VPS53: variants seen among roughly 807,000 people sequenced by gnomAD.
VPS53 encodes the protein vacuolar protein sorting-associated protein 53 homolog.
VPS53 carries 70 observed loss-of-function variants against 107.0 expected under a neutral mutation model. That is an observed-to-expected ratio of 0.65 (90% CI 0.54 to 0.80). The LOEUF (loss-of-function observed/expected upper bound fraction) is 0.80, where lower values mean the gene tolerates loss of function less well. Ranked by LOEUF, VPS53 falls within the 30% of genes least tolerant of loss-of-function variation. VPS53 has a pLI of 0.00. For synonymous variants in VPS53, 409 were observed against 393.3 expected, an observed-to-expected ratio of 1.04 and a Z score of -0.47; for missense variants, 917 against 1,049.4, an observed-to-expected ratio of 0.87 and a Z score of 1.74.
intron 13 of VPS53, among the ~76,000 whole-genome samples, chr17:584,127 T>C (rs999222184): frequency 1.3e-5 from 2 of 152,246 alleles, no homozygotes; most frequent in African/African-American, 2.4e-5. Context: ...CCTCAGGACT[T>C]TCCTGCAGCC....
intron 19 of VPS53, among the ~76,000 whole-genome samples, chr17:529,933 A>T (rs1909404788): frequency 6.6e-6 from 1 of 151,444 alleles, no homozygotes; most frequent in South Asian, 2.1e-4. Flanking sequence ...GATACTTGAG[A>T]AGTTGAGGCA....
chr17:631,760 G>A (rs962461927), intron 7 of VPS53, 132 bp from the exon 8 acceptor site: 6 of 694,528 alleles, frequency 8.6e-6, no homozygotes, highest in Non-Finnish European at 1.5e-5. Flanking sequence ...CATGAGGTGA[G>A]AGGTCACATA....
rs1454777393 is a variant in VPS53 at position 520,230 on chromosome 17, G to A, written c.2224-300C>T. 6.6e-6 allele frequency among the ~76,000 whole-genome samples: 1 copy of A among 152,156 alleles called. No homozygotes were observed. Among genetic ancestry groups the A allele is most frequent in the Non-Finnish European group, 1.5e-5 (1 of 68,024 alleles). On this transcript the variant is annotated intron_variant, in intron 20 of 21. Coordinates refer to ENST00000437048, the MANE Select transcript of VPS53 (RefSeq NM_001128159.3). This position sits in a 1 kb window ranked among gnomAD's most constrained non-coding sequence, Gnocchi z 4.4. The stretch of plus-strand genomic sequence containing the variant: ...ACCTGCGCTGCTGTTTGAAGTATGG[G>A]TTTCCGGGGCCCTCCTCTAAAGACT...
intron 13 of VPS53, among the ~76,000 whole-genome samples, chr17:564,580 G>A (rs918538594): frequency 3.3e-5 from 5 of 149,926 alleles, no homozygotes; most frequent in African/African-American, 4.9e-5. Flanking sequence ...GGGTGGTGGC[G>A]CATGCCTGTA....
At chr17:633,653 T>A (rs533001265) in intron 7 of VPS53, among the ~76,000 whole-genome samples, 1 of 152,084 alleles carries the variant, frequency 6.6e-6, no homozygotes, top group African/African-American at 2.4e-5. Context: ...CTCTTAGAGG[T>A]GGGTTTGTAG....
intron 7 of VPS53, among the ~76,000 whole-genome samples, chr17:648,172 G>T (rs1416869087): frequency 6.6e-6 from 1 of 152,194 alleles, no homozygotes; most frequent in African/African-American, 2.4e-5. Context: ...GATACACTTA[G>T]CCAAGTAGCA....
rs1387468429 is a variant in VPS53 at position 631,550 on chromosome 17, C to T, written c.687G>A (p.Lys229=). The change falls in exon 8 of 22, where the codon AAG becomes AAA. Residue 229 remains lysine (K), a splice_region_variant and synonymous_variant. Transcript: ENST00000437048. ...AGACTGGGGAAACGCAAAGCAGTAC[C>T]TTGGTGCCCTGGGAAGGAAACGCTT... ...FEEAFPSQGT[K]RPGGPSNVLR... 2 of 1,613,906 alleles carry T rather than the reference C, an allele frequency of 1.2e-6. No homozygotes were observed.
At chr17:525,854 A>G (rs939009238) in intron 19 of VPS53, among the ~76,000 whole-genome samples, 1 of 151,716 alleles carries the variant, frequency 6.6e-6, no homozygotes, top group Non-Finnish European at 1.5e-5. Flanking sequence ...AAAATTAGCC[A>G]GATATGGTGG....
chr17:681,879 C>T (rs1378202153), intron 4 of VPS53, among the ~76,000 whole-genome samples: 1 of 152,172 alleles, frequency 6.6e-6, no homozygotes, highest in Non-Finnish European at 1.5e-5. Flanking sequence ...ACTGATCTCA[C>T]AGATGAGGGC....
At position 518,975 on chromosome 17, in the gene VPS53, A is replaced by C; in HGVS notation, c.*153T>G. 1.2e-6 allele frequency: 1 copy of C among 805,010 alleles called. No individual in the cohort carries two copies. Among genetic ancestry groups the C allele is most frequent in the Non-Finnish European group, 1.8e-6 (1 of 541,614 alleles). 49.9% of individuals were successfully genotyped at this position (805,010 alleles called of 1,614,324 possible). On this transcript the variant is annotated 3_prime_UTR_variant, in exon 22 of 22. Transcript: ENST00000437048. ...CTCCGATTAGGGCAGGAAGTAAGAC[A>C]GGGCATGGGAGAGACTCAGTAACAA...
chr17:661,958 T>A, intron 4 of VPS53, 63 bp from the exon 5 acceptor site: 1 of 1,333,202 alleles, frequency 7.5e-7, no homozygotes, highest in Non-Finnish European at 1.0e-6. Context: ...TCACTAACTG[T>A]AATCAATGCT....
intron 4 of VPS53, among the ~76,000 whole-genome samples, chr17:688,860 C>T (rs1301497499): frequency 6.6e-6 from 1 of 152,226 alleles, no homozygotes. Flanking sequence ...GTTCAGGGCA[C>T]TCCCAGGTCA....
rs150364170 is a variant in VPS53, at chr17:556,529, T to C, written c.1705-3067A>G. ...TTTACAATAGCAATTCATAACATCG[T>C]TCTGTGGTTTGATTGTGTTCTCCAA... On this transcript the variant is annotated intron_variant, in intron 15 of 21. Transcript: ENST00000437048. Among the ~76,000 whole-genome samples the C allele has an allele frequency of 2.0e-4, 30 of 152,304 alleles. 1 individual carries two copies. In the East Asian group the frequency reaches 5.4e-3, roughly 27 times the overall value.
intron 13 of VPS53, among the ~76,000 whole-genome samples, chr17:567,830 A>G (rs1913672045): frequency 6.9e-6 from 1 of 145,664 alleles, no homozygotes; most frequent in African/African-American, 2.5e-5. Flanking sequence ...TTGAGGTTAC[A>G]GTGAGCTATA....
At position 646,361 on chromosome 17, in the gene VPS53, G is replaced by A. The variant is rs1226735024; in HGVS notation, c.608+6930C>T. 9.4e-5 allele frequency among the ~76,000 whole-genome samples: 12 copies of A among 128,116 alleles called. 1 individual carries two copies. Among genetic ancestry groups the A allele is most frequent in the African/African-American group, 2.7e-4 (10 of 36,916 alleles). The allele number at this position is 128,116 out of a possible 152,430, so 84.0% of individuals were successfully genotyped here. ...TAATCCATACTACGGACTGGAGATC[G>A]GCTCCCACACACATCTCCGTGACCG... On this transcript the variant is annotated intron_variant, in intron 7 of 21. Coordinates refer to ENST00000437048, the MANE Select transcript of VPS53 (RefSeq NM_001128159.3).
At chr17:666,196 C>T (rs1971675723) in intron 4 of VPS53, among the ~76,000 whole-genome samples, 1 of 152,064 alleles carries the variant, frequency 6.6e-6, no homozygotes, top group Non-Finnish European at 1.5e-5. Flanking sequence ...AAAGATGGCA[C>T]AGGGCTGACC....
intron 12 of VPS53, among the ~76,000 whole-genome samples, chr17:588,638 G>C (rs1400968865): frequency 1.3e-5 from 2 of 152,100 alleles, no homozygotes; most frequent in Non-Finnish European, 2.9e-5. Context: ...AAGGTTTCTA[G>C]AAACTTTGGT....
intron 17 of VPS53, among the ~76,000 whole-genome samples, chr17:545,185 G>A (rs1405544233): frequency 1.3e-5 from 2 of 152,328 alleles, no homozygotes; most frequent in Admixed American, 1.3e-4. Flanking sequence ...CAGAGTTTCA[G>A]AGGGACCACC....
intron 3 of VPS53, among the ~76,000 whole-genome samples, chr17:697,686 G>A (rs897531131): frequency 6.6e-6 from 1 of 151,796 alleles, no homozygotes; most frequent in African/African-American, 2.4e-5. Context: ...GCAGGCTGAT[G>A]CATCGCCTTG....
Sources: allele counts gnomAD v4.1 joint callset (sites outside exome capture counted in the v4.1 genomes callset), GRCh38; gene constraint gnomAD v4.1.1; non-coding constraint Gnocchi (gnomAD v3.1); transcripts MANE v1.5; gene names NCBI Gene and HGNC (gene_info 2026-07-23, HGNC 2026-07-21).